The following LHPP variants were observed in gnomAD, a reference collection of about 807,000 sequenced individuals.
LHPP encodes the protein phospholysine phosphohistidine inorganic pyrophosphate phosphatase, also known as hLHPP.
LHPP carries 24 observed loss-of-function variants against 30.3 expected under a neutral mutation model. That is an observed-to-expected ratio of 0.79 (90% CI 0.57 to 1.11). The LOEUF (loss-of-function observed/expected upper bound fraction) is 1.11. LHPP is among the 50% of genes most tolerant of loss of function. The pLI, the probability that LHPP is intolerant of heterozygous loss-of-function variation, is 0.00. For synonymous variants in LHPP, 150 were observed against 157.1 expected, an observed-to-expected ratio of 0.95 and a Z score of 0.34; for missense variants, 356 against 367.2, an observed-to-expected ratio of 0.97 and a Z score of 0.25.
At chr10:124,532,824 C>T (rs1416178765) in intron 6 of LHPP, among the ~76,000 whole-genome samples, 1 of 152,142 alleles carries the variant, frequency 6.6e-6, no homozygotes, top group Non-Finnish European at 1.5e-5. Flanking sequence ...CCCAACTGTC[C>T]CTATGGCCCC....
intron 6 of LHPP, among the ~76,000 whole-genome samples, chr10:124,527,813 TTC>T (rs1413271893): frequency 6.6e-6 from 1 of 152,042 alleles, no homozygotes; most frequent in Non-Finnish European, 1.5e-5. Context: ...TGCGGTCTTG[TTC>T]TGTTTCCTAG....
rs75787073 is a variant in LHPP at position 124,524,209 on chromosome 10, C to G, written c.716+6938C>G. Among the ~76,000 whole-genome samples the G allele has an allele frequency of 2.0e-5, 3 of 152,192 alleles. No individual in the cohort carries two copies. The South Asian group carries it at 6.2e-4, about 32-fold the overall frequency. On this transcript the variant is annotated intron_variant, in intron 6 of 6. Coordinates refer to ENST00000368842, the MANE Select transcript of LHPP (RefSeq NM_022126.4). Reference sequence around the variant, plus strand: ...TTAGCTATTATTAGCAAAGACCCCCCACATTCCACCCAGCCCCAGACAATC... The same window carrying G: ...TTAGCTATTATTAGCAAAGACCCCCGACATTCCACCCAGCCCCAGACAATC...
At chr10:124,476,808 A>G (rs999499940) in intron 1 of LHPP, among the ~76,000 whole-genome samples, 15 of 152,230 alleles carry the variant, frequency 9.9e-5, no homozygotes, top group African/African-American at 2.9e-4. Context: ...GTGGGTTTCA[A>G]TTCTCCAAAC....
intron 6 of LHPP, among the ~76,000 whole-genome samples, chr10:124,564,358 C>A (rs971669380): frequency 6.6e-6 from 1 of 152,088 alleles, no homozygotes; most frequent in African/African-American, 2.4e-5. Flanking sequence ...CTCCTGATCT[C>A]GTGATCTGCC....
chr10:124,519,187 A>G (rs1381546465), intron 6 of LHPP, among the ~76,000 whole-genome samples: 1 of 152,158 alleles, frequency 6.6e-6, no homozygotes. Flanking sequence ...ACCTCAGGCG[A>G]ACCACCCGCC....
intron 6 of LHPP, among the ~76,000 whole-genome samples, chr10:124,609,608 A>T (rs778648806): frequency 6.6e-6 from 1 of 152,242 alleles, no homozygotes; most frequent in Non-Finnish European, 1.5e-5. Flanking sequence ...AAAGTGAAGA[A>T]TAGGATGTTA....
intron 6 of LHPP, among the ~76,000 whole-genome samples, chr10:124,578,547 G>A (rs1948699824): frequency 6.6e-6 from 1 of 152,256 alleles, no homozygotes; most frequent in Non-Finnish European, 1.5e-5. Flanking sequence ...CTGATCAGGA[G>A]GCACAGGGTG....
At chr10:124,591,405 G>C (rs1018162156) in intron 6 of LHPP, among the ~76,000 whole-genome samples, 2 of 152,088 alleles carry the variant, frequency 1.3e-5, no homozygotes, top group African/African-American at 2.4e-5. Flanking sequence ...TGTGGGGCAG[G>C]CTCCTGAGGA....
intron 5 of LHPP, among the ~76,000 whole-genome samples, chr10:124,507,656 TAGGGAGTATTTCAGGTGG>T (rs1351573279): frequency 2.7e-4 from 7 of 26,364 alleles, no homozygotes; most frequent in African/African-American, 7.0e-4. Flanking sequence ...GGTGGGGGGA[TAGGGAGTATTTCAGGTGG>T]GGAGGGTAGA....
At position 124,498,078 on chromosome 10, in the gene LHPP, C is replaced by T. The variant is rs376072502; in HGVS notation, c.574C>T (p.Pro192Ser). 154 of 1,614,010 alleles carry T rather than the reference C, an allele frequency of 9.5e-5. No individual in the cohort carries two copies. The highest frequency in any genetic ancestry group is 1.3e-4 in the Non-Finnish European group (148 of 1,180,016). The change falls in exon 5 of 7, where the codon CCT (proline) becomes TCT (serine). Residue 192 changes from proline to serine, a missense_variant. Coordinates refer to ENST00000368842, the MANE Select transcript of LHPP (RefSeq NM_022126.4). Reference protein sequence around the residue: ...IKAEVVGKPSPEFFKSALQAI... With the variant: ...IKAEVVGKPSSEFFKSALQAI... ...AGCCGAGGTGGTGGGGAAGCCTTCTCCTGAGTTTTTCAAGTCTGCCCTGCA... is the reference window on the plus strand; with the variant it reads ...AGCCGAGGTGGTGGGGAAGCCTTCTTCTGAGTTTTTCAAGTCTGCCCTGCA...
chr10:124,532,335 G>A (rs1381278465), intron 6 of LHPP, among the ~76,000 whole-genome samples: 1 of 152,232 alleles, frequency 6.6e-6, no homozygotes, highest in Non-Finnish European at 1.5e-5. Flanking sequence ...CCCTGGCGGT[G>A]GACAGAGGTA....
chr10:124,547,753 C>T (rs1376212922), intron 6 of LHPP, among the ~76,000 whole-genome samples: 3 of 151,910 alleles, frequency 2.0e-5, no homozygotes, highest in African/African-American at 4.8e-5. Flanking sequence ...GGCCATCGGG[C>T]GTCCTGGGCC....
Position 124,462,075 on chromosome 10 carries a change from G to A in LHPP, c.125+88G>A, listed in dbSNP as rs1952415290. ...GCCGGCAGGGGGCGGGGCGGCAGGG[G>A]GCGGGGCCGCGGCGCAGGCCCCGCC... On this transcript the variant is annotated intron_variant, in intron 1 of 6. Transcript: ENST00000368842. 3.6e-6 allele frequency: 4 copies of A among 1,125,050 alleles called. No individual in the cohort carries two copies. The East Asian group carries it at 1.6e-4, about 45-fold the overall frequency. 69.7% of individuals were successfully genotyped at this position (1,125,050 alleles called of 1,614,324 possible).
intron 6 of LHPP, among the ~76,000 whole-genome samples, chr10:124,608,327 T>C (rs540516608): frequency 5.9e-4 from 88 of 148,052 alleles, no homozygotes; most frequent in African/African-American, 2.1e-3. Context: ...GGTCATGCTC[T>C]ACCTCCCTGG....
chr10:124,496,452 A>T lies in LHPP; in HGVS notation c.468-509A>T, dbSNP rs1953711863. On this transcript the variant is annotated intron_variant, in intron 3 of 6. Transcript: ENST00000368842. The surrounding 1 kb of genome is among the most constrained non-coding windows in gnomAD (Gnocchi z 4.3). ...CATAAAAGCATCTGGCGCCCATGAAACCTGGCACCTCGCTTGACCTCCGGC... is the reference window on the plus strand; with the variant it reads ...CATAAAAGCATCTGGCGCCCATGAATCCTGGCACCTCGCTTGACCTCCGGC... Among the ~76,000 whole-genome samples, 1 of 152,038 alleles carries T rather than the reference A, an allele frequency of 6.6e-6. No homozygotes were observed. The highest frequency in any genetic ancestry group is 1.5e-5 in the Non-Finnish European group (1 of 68,006).
At chr10:124,506,263 A>ACCCCC (rs539116106) in intron 5 of LHPP, among the ~76,000 whole-genome samples, 127 of 86,338 alleles carry the variant, frequency 1.5e-3, no homozygotes, top group East Asian at 5.5e-3. Context: ...AAAACAACAA[A>ACCCCC]CCCCCCCCCC....
At chr10:124,602,025 C>T (rs1310647805) in intron 6 of LHPP, among the ~76,000 whole-genome samples, 7 of 152,250 alleles carry the variant, frequency 4.6e-5, no homozygotes, top group African/African-American at 1.7e-4. Context: ...CGTAGTGCCC[C>T]AGCTCCATCC....
intron 6 of LHPP, chr10:124,553,877 A>C: frequency 4.1e-6 from 4 of 985,430 alleles, no homozygotes; most frequent in Non-Finnish European, 4.8e-6. Context: ...GGGGCCCACC[A>C]CATCTGTCTT....
intron 6 of LHPP, among the ~76,000 whole-genome samples, chr10:124,529,717 C>T (rs1426698583): frequency 1.3e-5 from 2 of 152,280 alleles, no homozygotes; most frequent in Admixed American, 6.5e-5. Flanking sequence ...CCCAGCATCC[C>T]CTCTCCCTGG....
Sources: allele counts gnomAD v4.1 joint callset (sites outside exome capture counted in the v4.1 genomes callset), GRCh38; gene constraint gnomAD v4.1.1; non-coding constraint Gnocchi (gnomAD v3.1); transcripts MANE v1.5; gene names NCBI Gene and HGNC (gene_info 2026-07-23, HGNC 2026-07-21).